The following GPATCH2 variants were observed in gnomAD, a reference collection of about 807,000 sequenced individuals.
GPATCH2 encodes G-patch domain containing 2.
GPATCH2 carries 51 observed loss-of-function variants against 58.0 expected under a neutral mutation model. The observed-to-expected ratio is 0.88, with a 90% confidence interval of 0.70 to 1.11. The LOEUF (loss-of-function observed/expected upper bound fraction) is 1.11, where lower values mean the gene tolerates loss of function less well. GPATCH2 is among the 50% of genes most tolerant of loss of function. GPATCH2 has a pLI of 0.00. For missense variants in GPATCH2, 625 were observed against 652.2 expected (o/e 0.96, Z 0.45); for synonymous variants, 222 against 218.5 (o/e 1.02, Z -0.14).
intron 1 of GPATCH2, among the ~76,000 whole-genome samples, chr1:217,624,552 C>A (rs1669356280): frequency 6.6e-6 from 1 of 152,196 alleles, no homozygotes; most frequent in Non-Finnish European, 1.5e-5. Context: ...TCCTAAGAGA[C>A]CATCACATGA....
At chr1:217,599,042 A>G (rs1053249218) in intron 5 of GPATCH2, among the ~76,000 whole-genome samples, 2 of 152,206 alleles carry the variant, frequency 1.3e-5, no homozygotes, top group African/African-American at 4.8e-5. Flanking sequence ...ACACGAATCT[A>G]GCAGGAAGAA....
chr1:217,464,071 C>T (rs1660329290), intron 8 of GPATCH2, among the ~76,000 whole-genome samples: 1 of 152,112 alleles, frequency 6.6e-6, no homozygotes, highest in Admixed American at 6.5e-5. Flanking sequence ...CCACTTAGCA[C>T]TCTAATAATT....
rs6673463 is a variant in GPATCH2, at chr1:217,450,705, C to T, written c.1278-1368G>A. On this transcript the variant is annotated intron_variant, in intron 8 of 9. Coordinates refer to ENST00000366935, the MANE Select transcript of GPATCH2 (RefSeq NM_018040.5). ...TTTCAAAAATTCATTCTGTTAATGACTAACTTAGCTCTGCTTGGCTCTCCA... is the reference window on the plus strand; with the variant it reads ...TTTCAAAAATTCATTCTGTTAATGATTAACTTAGCTCTGCTTGGCTCTCCA... Among the ~76,000 whole-genome samples, 1,141 of 152,164 alleles carry T rather than the reference C, an allele frequency of 7.5e-3. 9 individuals are homozygous for T. Among genetic ancestry groups the T allele is most frequent in the African/African-American group, 0.025 (1,041 of 41,536 alleles).
chr1:217,577,887 G>A (rs1239915758), intron 5 of GPATCH2, among the ~76,000 whole-genome samples: 1 of 151,820 alleles, frequency 6.6e-6, no homozygotes, highest in Non-Finnish European at 1.5e-5. Context: ...AGCTGGGATT[G>A]CAGGAATGCG....
chr1:217,447,425 C>A (rs528451972), intron 9 of GPATCH2, among the ~76,000 whole-genome samples: 15 of 152,266 alleles, frequency 9.9e-5, no homozygotes, highest in Middle Eastern at 3.4e-3. Flanking sequence ...GGCTTGAAAC[C>A]TTCCCTTGCG....
At chr1:217,460,238 A>T (rs1328752304) in intron 8 of GPATCH2, among the ~76,000 whole-genome samples, 1 of 152,168 alleles carries the variant, frequency 6.6e-6, no homozygotes, top group Non-Finnish European at 1.5e-5. Context: ...AAGTTATTGT[A>T]TTTGTAACAA....
intron 1 of GPATCH2, among the ~76,000 whole-genome samples, chr1:217,628,519 A>G (rs529004060): frequency 2.0e-5 from 3 of 152,140 alleles, no homozygotes; most frequent in Non-Finnish European, 4.4e-5. Context: ...AACAAACTCC[A>G]AAAAACAAGC....
chr1:217,628,682 T>TTGA (rs1427782607), intron 1 of GPATCH2, among the ~76,000 whole-genome samples: 1 of 131,144 alleles, frequency 7.6e-6, no homozygotes, highest in African/African-American at 2.8e-5. Flanking sequence ...ATAATAAAGT[T>TTGA]AAAAAAAAAA....
chr1:217,550,465 G>GA (rs1665292821), intron 5 of GPATCH2, among the ~76,000 whole-genome samples: 1 of 151,274 alleles, frequency 6.6e-6, no homozygotes, highest in Non-Finnish European at 1.5e-5. Context: ...ATAAACATAT[G>GA]AAAAAAAATC....
At chr1:217,608,605 G>C in intron 5 of GPATCH2, 1 of 985,124 alleles carries the variant, frequency 1.0e-6, no homozygotes, top group Non-Finnish European at 1.2e-6. Context: ...AATAAAAATA[G>C]GTAAAACTGA....
chr1:217,564,777 G>T (rs995942278), intron 5 of GPATCH2, among the ~76,000 whole-genome samples: 5 of 151,988 alleles, frequency 3.3e-5, no homozygotes, highest in African/African-American at 9.7e-5. Context: ...ATCCTAACTT[G>T]GGTACAACCA....
intron 7 of GPATCH2, among the ~76,000 whole-genome samples, chr1:217,492,344 A>G (rs559466771): frequency 6.6e-6 from 1 of 152,302 alleles, no homozygotes; most frequent in South Asian, 2.1e-4. Context: ...CCTCCTCAAA[A>G]TGCCTTACCA....
chr1:217,500,865 T>C (rs1370430107), intron 6 of GPATCH2, among the ~76,000 whole-genome samples: 1 of 152,132 alleles, frequency 6.6e-6, no homozygotes, highest in Non-Finnish European at 1.5e-5. Flanking sequence ...GCCTGCTAAG[T>C]GATTTATCAA....
intron 8 of GPATCH2, among the ~76,000 whole-genome samples, chr1:217,486,293 T>A (rs553579068): frequency 2.0e-5 from 3 of 152,356 alleles, no homozygotes; most frequent in East Asian, 3.9e-4. Context: ...TCATGCTAAT[T>A]AGAATTTTGT....
At chr1:217,487,939 A>G (rs1367886140) in intron 8 of GPATCH2, among the ~76,000 whole-genome samples, 2 of 151,592 alleles carry the variant, frequency 1.3e-5, no homozygotes, top group Non-Finnish European at 2.9e-5. Flanking sequence ...ACGCGGTTTC[A>G]CCATGTTGGT....
chr1:217,477,491 A>C (rs1235133683), intron 8 of GPATCH2, among the ~76,000 whole-genome samples: 1 of 152,150 alleles, frequency 6.6e-6, no homozygotes, highest in Non-Finnish European at 1.5e-5. Flanking sequence ...AGGGGAGCCC[A>C]CTGCCCTGAA....
chr1:217,622,189 T>C (rs1669221142), intron 1 of GPATCH2, among the ~76,000 whole-genome samples: 1 of 152,170 alleles, frequency 6.6e-6, no homozygotes, highest in East Asian at 1.9e-4. Context: ...AAATGACTCG[T>C]AGGTAGCTAT....
intron 5 of GPATCH2, among the ~76,000 whole-genome samples, chr1:217,598,426 G>A (rs184934101): frequency 1.3e-5 from 2 of 151,776 alleles, no homozygotes; most frequent in Admixed American, 6.6e-5. Flanking sequence ...GGTCATACCC[G>A]GTAAATAACC....
At chr1:217,488,902 C>A (rs1661584291) in intron 8 of GPATCH2, among the ~76,000 whole-genome samples, 1 of 151,550 alleles carries the variant, frequency 6.6e-6, no homozygotes, top group Admixed American at 6.6e-5. Flanking sequence ...GCATGTTGCC[C>A]ATGGTGGTCT....
Sources: gnomAD v4.1 joint callset for allele counts (sites outside exome capture counted in the v4.1 genomes callset) on GRCh38, gnomAD v4.1.1 for gene constraint, MANE v1.5 for transcripts, NCBI Gene and HGNC (gene_info 2026-07-23, HGNC 2026-07-21) for gene names.